The following PCM1 variants were observed in gnomAD, a reference collection of about 807,000 sequenced individuals.
PCM1 encodes the protein pericentriolar material 1.
PCM1 carries 157 observed loss-of-function variants against 241.9 expected under a neutral mutation model. The ratio of observed to expected loss-of-function variants is 0.65; its 90% CI spans 0.57 to 0.74. PCM1 has a LOEUF of 0.74. Ranked by LOEUF, PCM1 falls within the 30% of genes least tolerant of loss-of-function variation. The pLI is 0.00. For missense variants in PCM1, 3,478 were observed against 2,360.1 expected (o/e 1.47, Z -9.81); for synonymous variants, 1,085 against 784.9 (o/e 1.38, Z -6.39).
At chr8:17,934,652 CTT>C (rs1232970140) in intron 2 of PCM1, 1 of 151,972 alleles carries the variant, frequency 6.6e-6, no homozygotes, top group Non-Finnish European at 1.5e-5. Context: ...AGTTTAATGA[CTT>C]TTCATGTCCC....
intron 23 of PCM1, among the ~76,000 whole-genome samples, chr8:17,973,805 C>G (rs2077688404): frequency 6.6e-6 from 1 of 152,020 alleles, no homozygotes; most frequent in South Asian, 2.1e-4. Context: ...ACTGCTAACT[C>G]CCTTTCTTGG....
rs371063578 is a variant in PCM1 at position 17,947,149 on chromosome 8, A to G, written c.784-37A>G. 38 of 1,361,834 alleles carry G rather than the reference A, an allele frequency of 2.8e-5. No homozygotes were observed. In the African/African-American group the frequency reaches 3.7e-4, roughly 13 times the overall value. The allele number at this position is 1,361,834 out of a possible 1,614,324, so 84.4% of individuals were successfully genotyped here. A position where few individuals can be genotyped will look rare whatever the true frequency, so the allele number is the denominator to read the frequency against. On this transcript the variant is annotated intron_variant, in intron 6 of 38. Transcript: ENST00000325083. Reference sequence around the variant, plus strand: ...AATTGAAACCGCAACATGGATTTTAATAGTCAGATACAAGTATTGTTGGTC... The same window carrying G: ...AATTGAAACCGCAACATGGATTTTAGTAGTCAGATACAAGTATTGTTGGTC...
chr8:17,936,076 G>A (rs188983559), intron 3 of PCM1, among the ~76,000 whole-genome samples: 1 of 152,128 alleles, frequency 6.6e-6, no homozygotes. Flanking sequence ...TTACAGACCA[G>A]TTTTCTCTCC....
intron 8 of PCM1, among the ~76,000 whole-genome samples, chr8:17,951,588 C>A (rs986881266): frequency 6.6e-6 from 1 of 152,076 alleles, no homozygotes; most frequent in African/African-American, 2.4e-5. Context: ...GTAAATAAGC[C>A]ATTGCTAATG....
Position 17,975,489 on chromosome 8 carries a change from G to C in PCM1, c.3943+2802G>C, listed in dbSNP as rs554754524. On this transcript the variant is annotated intron_variant, in intron 23 of 38. Coordinates refer to ENST00000325083, the MANE Select transcript of PCM1 (RefSeq NM_006197.4). ...ATTTTTATTATATCTTAAAGGAAGT[G>C]GTAAATAGAGGTGGGTGGGGAAAAG... 1.4e-4 allele frequency among the ~76,000 whole-genome samples: 22 copies of C among 152,140 alleles called. No individual in the cohort carries two copies. The East Asian group carries it at 3.9e-3, about 27-fold the overall frequency.
intron 8 of PCM1, among the ~76,000 whole-genome samples, chr8:17,952,320 G>T (rs1275897291): frequency 2.6e-5 from 4 of 152,168 alleles, no homozygotes; most frequent in Admixed American, 6.5e-5. Context: ...AAAGTTTACA[G>T]TGGTAGTTCT....
Position 18,011,227 on chromosome 8 carries a change from T to G in PCM1, c.5221-10T>G. ...TAAGGAATTAATTACTCAAATATTT[T>G]TGTGTCTAGGACAAGGATGAAACTG... On this transcript the variant is annotated splice_polypyrimidine_tract_variant and intron_variant, in intron 32 of 38. Transcript: ENST00000325083. 6.3e-7 allele frequency: 1 copy of G among 1,585,070 alleles called. No individual in the cohort carries two copies.
chr8:18,006,408 A>T lies in PCM1; in HGVS notation c.4962+11A>T, dbSNP rs200873169. On this transcript the variant is annotated intron_variant, in intron 30 of 38. Transcript: ENST00000325083. ...GGAAGTATATTACAGGTAAGAGTTT[A>T]TACTTGTATGATTTACCAATATGTA... 31 of 1,589,336 alleles carry T rather than the reference A, an allele frequency of 2.0e-5. No individual in the cohort carries two copies. The African/African-American group carries it at 3.4e-4, about 17-fold the overall frequency.
At chr8:18,005,614 T>C (rs985494069) in intron 29 of PCM1, among the ~76,000 whole-genome samples, 1 of 152,164 alleles carries the variant, frequency 6.6e-6, no homozygotes, top group East Asian at 1.9e-4. Context: ...TTCATATTAT[T>C]TTGTAGCTCA....
intron 36 of PCM1, among the ~76,000 whole-genome samples, chr8:18,016,509 G>A (rs2093220913): frequency 6.6e-6 from 1 of 152,156 alleles, no homozygotes; most frequent in South Asian, 2.1e-4. Context: ...GAAAAGAAGG[G>A]ATCCTAAATG....
intron 2 of PCM1, chr8:17,925,467 C>T (rs970020513): frequency 3.9e-5 from 6 of 151,926 alleles, no homozygotes; most frequent in Non-Finnish European, 5.9e-5. Flanking sequence ...AATTGCTCTT[C>T]AGAAAAAAAC....
chr8:17,992,872 C>A lies in PCM1; in HGVS notation c.4691-611C>A, dbSNP rs2085249728. 2.0e-5 allele frequency among the ~76,000 whole-genome samples: 3 copies of A among 151,594 alleles called. No individual in the cohort carries two copies. In the South Asian group the frequency reaches 6.3e-4, roughly 32 times the overall value. On this transcript the variant is annotated intron_variant, in intron 28 of 38. Coordinates refer to ENST00000325083, the MANE Select transcript of PCM1 (RefSeq NM_006197.4). Reference sequence around the variant, plus strand: ...TCTCAAGTGATCTGCCCACCTCAGCCTCCCAATGTGCTGGGATTACAACTG... The same window carrying A: ...TCTCAAGTGATCTGCCCACCTCAGCATCCCAATGTGCTGGGATTACAACTG...
rs34442566 is a variant in PCM1, at chr8:17,937,301, C to T, written c.264C>T (p.Tyr88=). 1.2e-3 allele frequency: 1,912 copies of T among 1,609,014 alleles called. 4 individuals carry two copies. Among genetic ancestry groups the T allele is most frequent in the Admixed American group, 4.5e-3 (269 of 59,622 alleles). Residue 88 remains tyrosine (Y), a synonymous_variant, in exon 4 of 39, where the codon TAC becomes TAT. Coordinates refer to ENST00000325083, the MANE Select transcript of PCM1 (RefSeq NM_006197.4). ...KTPHTFPHSR[Y]MSQMSVPEQA... ...CACATACGTTCCCACACAGTAGATACATGAGTCAGATGTCTGTCCCAGAGC... is the reference window on the plus strand; with the variant it reads ...CACATACGTTCCCACACAGTAGATATATGAGTCAGATGTCTGTCCCAGAGC...
intron 6 of PCM1, among the ~76,000 whole-genome samples, chr8:17,942,987 ACT>A (rs2062647121): frequency 8.4e-6 from 1 of 119,236 alleles, no homozygotes; most frequent in African/African-American, 2.9e-5. Flanking sequence ...ACAGAACGAG[ACT>A]CTGTCTCAAA....
rs373682729 is a variant in PCM1, at chr8:17,962,074, A to G, written c.2363A>G (p.Tyr788Cys). Residue 788 changes from tyrosine (Y) to cysteine (C), a missense_variant, in exon 16 of 39, where the codon TAT becomes TGT. Physicochemically the swap from Tyr to Cys is radical, Grantham distance 194. Transcript: ENST00000325083. ...ASVGNCPTKK[Y>C]MPAVTSTPTV... is the part of the protein sequence containing the mutation. ...GTGGGTAACTGTCCCACCAAAAAAT[A>G]TATGCCAGCTGTTACTTCAACCCCA... The G allele has an allele frequency of 1.4e-5, 23 of 1,611,852 alleles. No homozygotes were observed. In the African/African-American group the frequency reaches 2.8e-4, roughly 20 times the overall value.
At chr8:17,940,030 A>G (rs1414734897) in intron 6 of PCM1, 169 bp downstream of exon 6, 7 of 1,508,288 alleles carry the variant, frequency 4.6e-6, no homozygotes, top group Non-Finnish European at 6.3e-6. Context: ...TTATACCGCT[A>G]AAATATTTCA....
intron 16 of PCM1, among the ~76,000 whole-genome samples, chr8:17,962,586 A>C (rs2072928712): frequency 6.6e-6 from 1 of 152,084 alleles, no homozygotes; most frequent in Admixed American, 6.6e-5. Flanking sequence ...TAATTTCTGA[A>C]GTATATTTGA....
chr8:18,006,575 G>A (rs1481437823), intron 30 of PCM1, among the ~76,000 whole-genome samples, 178 bp downstream of exon 30: 1 of 151,956 alleles, frequency 6.6e-6, no homozygotes, highest in Non-Finnish European at 1.5e-5. Flanking sequence ...AAATAATATT[G>A]TATTATTAGG....
At chr8:17,983,302 G>A (rs1295412649) in intron 24 of PCM1, 21 of 1,316,854 alleles carry the variant, frequency 1.6e-5, no homozygotes, top group Non-Finnish European at 2.1e-5. Flanking sequence ...AACAATCTGC[G>A]TAGTTTTGGT....
Sources: gnomAD v4.1 joint callset for allele counts (sites outside exome capture counted in the v4.1 genomes callset) on GRCh38, gnomAD v4.1.1 for gene constraint, MANE v1.5 for transcripts, NCBI Gene and HGNC (gene_info 2026-07-23, HGNC 2026-07-21) for gene names.